CDH13: variants seen among roughly 807,000 people sequenced by gnomAD.
The protein encoded by CDH13 is cadherin 13, also known as cadherin-13.
Under a neutral mutation model 63.8 loss-of-function variants are expected in CDH13, and 24 were observed. The ratio of observed to expected loss-of-function variants is 0.38; its 90% CI spans 0.27 to 0.53. CDH13 has a LOEUF of 0.53. Ranked by LOEUF, CDH13 falls within the 20% of genes least tolerant of loss-of-function variation. The pLI is 0.85. For synonymous variants in CDH13, 503 were observed against 355.3 expected (o/e 1.42, Z -4.67); for missense variants, 1,049 against 903.1 (o/e 1.16, Z -2.07).
rs2030333839 is a variant in CDH13 at position 83,051,501 on chromosome 16, T to A, written c.366+19283T>A. Among the ~76,000 whole-genome samples the A allele has an allele frequency of 2.0e-5, 3 of 152,224 alleles. No individual in the cohort carries two copies. The South Asian group carries it at 6.2e-4, about 31-fold the overall frequency. On this transcript the variant is annotated intron_variant, in intron 3 of 13. Coordinates refer to ENST00000567109, the MANE Select transcript of CDH13 (RefSeq NM_001257.5). The stretch of plus-strand genomic sequence containing the variant: ...CTAGGAATTTCTTTTCATTTTTGCT[T>A]TCTTTGAGATCTGTAATTAATCATG...
At chr16:83,239,280 A>G (rs552235630) in intron 5 of CDH13, among the ~76,000 whole-genome samples, 13 of 152,298 alleles carry the variant, frequency 8.5e-5, no homozygotes, top group Non-Finnish European at 7.4e-5. Context: ...AAAAAGATGA[A>G]TGGGAGGAGG....
chr16:83,290,670 A>G (rs990751369), intron 5 of CDH13, among the ~76,000 whole-genome samples: 1 of 152,168 alleles, frequency 6.6e-6, no homozygotes, highest in Non-Finnish European at 1.5e-5. Context: ...ACTTCTACAC[A>G]GTGTGAATGA....
At chr16:82,647,066 G>T (rs552304391) in intron 1 of CDH13, among the ~76,000 whole-genome samples, 1 of 152,316 alleles carries the variant, frequency 6.6e-6, no homozygotes, top group African/African-American at 2.4e-5. Context: ...CCCAGGCCTC[G>T]AGGGAAGGTT....
intron 4 of CDH13, among the ~76,000 whole-genome samples, chr16:83,141,462 T>C (rs1203196852): frequency 6.6e-6 from 1 of 152,214 alleles, no homozygotes; most frequent in Non-Finnish European, 1.5e-5. Flanking sequence ...TCTTTATATT[T>C]TCATTTCTCT....
chr16:83,668,871 C>T (rs1006596076), intron 8 of CDH13, among the ~76,000 whole-genome samples: 2 of 152,212 alleles, frequency 1.3e-5, no homozygotes, highest in African/African-American at 2.4e-5. Flanking sequence ...ATTAATTGAT[C>T]ACAGCATTCT....
At chr16:82,782,822 T>A (rs1476625566) in intron 1 of CDH13, among the ~76,000 whole-genome samples, 3 of 152,162 alleles carry the variant, frequency 2.0e-5, no homozygotes, top group Admixed American at 1.3e-4. Flanking sequence ...AGGCTGCCTT[T>A]CAGCTCCAAG....
Position 82,630,202 on chromosome 16 carries a change from A to G in CDH13, c.45+3065A>G, listed in dbSNP as rs184867010. Among the ~76,000 whole-genome samples, 560 of 152,320 alleles carry G rather than the reference A, an allele frequency of 3.7e-3. 2 individuals are homozygous for G. Among genetic ancestry groups the G allele is most frequent in the Non-Finnish European group, 5.5e-3 (374 of 68,034 alleles). ...GAACTTTTTGGATGAGGAAAAGGAC[A>G]CAGGGTTGAAGAGGGTGCTGCCCCC... On this transcript the variant is annotated intron_variant, in intron 1 of 13. Coordinates refer to ENST00000567109, the MANE Select transcript of CDH13 (RefSeq NM_001257.5).
chr16:83,626,068 T>G (rs34352619), intron 8 of CDH13, among the ~76,000 whole-genome samples: 15,170 of 151,134 alleles, frequency 0.1, 800 homozygotes, highest in Admixed American at 0.11. Flanking sequence ...TGGAGTGCAG[T>G]GGAACAATCA....
intron 4 of CDH13, among the ~76,000 whole-genome samples, chr16:83,162,988 T>C (rs936188452): frequency 6.6e-6 from 1 of 152,086 alleles, no homozygotes; most frequent in Non-Finnish European, 1.5e-5. Flanking sequence ...ACAATTCCCA[T>C]GTGTCGTAGG....
At chr16:83,623,975 A>G (rs1416790750) in intron 8 of CDH13, among the ~76,000 whole-genome samples, 1 of 152,224 alleles carries the variant, frequency 6.6e-6, no homozygotes, top group Non-Finnish European at 1.5e-5. Flanking sequence ...TCCACTTTCA[A>G]CCAGCAGAAA....
At chr16:83,274,837 C>T (rs2088935695) in intron 5 of CDH13, among the ~76,000 whole-genome samples, 1 of 152,066 alleles carries the variant, frequency 6.6e-6, no homozygotes, top group Non-Finnish European at 1.5e-5. Context: ...AAGCAAGCTC[C>T]CAGGATGAAT....
intron 8 of CDH13, among the ~76,000 whole-genome samples, chr16:83,610,408 C>T (rs530672336): frequency 2.0e-5 from 3 of 152,212 alleles, no homozygotes; most frequent in East Asian, 3.9e-4. Context: ...TACACAAATC[C>T]TGAGTGATTT....
At chr16:83,594,186 T>C (rs1281753553) in intron 7 of CDH13, among the ~76,000 whole-genome samples, 3 of 152,222 alleles carry the variant, frequency 2.0e-5, no homozygotes, top group African/African-American at 4.8e-5. Flanking sequence ...CCTCAGTTTC[T>C]TGTTACATCT....
Position 83,517,307 on chromosome 16 carries a change from G to A in CDH13, c.960+30652G>A, listed in dbSNP as rs556081639. ...GAAATATTAATCAGGGCTAGATTAG[G>A]TTATGCTGCAGTAACAAGTTAACCC... On this transcript the variant is annotated intron_variant, in intron 7 of 13. Transcript: ENST00000567109. Among the ~76,000 whole-genome samples the A allele has an allele frequency of 3.9e-5, 6 of 152,332 alleles. No individual in the cohort carries two copies. In the East Asian group the frequency reaches 7.7e-4, roughly 20 times the overall value.
chr16:82,636,566 C>G (rs1427096300), intron 1 of CDH13, among the ~76,000 whole-genome samples: 1 of 152,168 alleles, frequency 6.6e-6, no homozygotes, highest in Non-Finnish European at 1.5e-5. Flanking sequence ...TTACATGAAG[C>G]AAATAATGAT....
chr16:83,227,751 C>A (rs921340646), intron 5 of CDH13, among the ~76,000 whole-genome samples: 1 of 152,110 alleles, frequency 6.6e-6, no homozygotes, highest in Non-Finnish European at 1.5e-5. Context: ...CATCTGGGGA[C>A]CATAGAGCCA....
At chr16:83,398,549 C>A (rs1013045537) in intron 6 of CDH13, among the ~76,000 whole-genome samples, 1 of 152,148 alleles carries the variant, frequency 6.6e-6, no homozygotes, top group African/African-American at 2.4e-5. Context: ...ACTTATTTTC[C>A]AAATAAGATT....
At chr16:83,452,316 C>T (rs72806392) in intron 6 of CDH13, among the ~76,000 whole-genome samples, 28,789 of 151,754 alleles carry the variant, frequency 0.19, 3,806 homozygotes, top group African/African-American at 0.37. Flanking sequence ...CTTGCTCTTA[C>T]ATGACTCATT....
chr16:83,423,801 G>A (rs1477416499), intron 6 of CDH13, among the ~76,000 whole-genome samples: 1 of 152,312 alleles, frequency 6.6e-6, no homozygotes, highest in East Asian at 1.9e-4. Flanking sequence ...TGTTCTGGTG[G>A]CCCTTGAGCA....
Sources: allele counts gnomAD v4.1 joint callset (sites outside exome capture counted in the v4.1 genomes callset), GRCh38; gene constraint gnomAD v4.1.1; transcripts MANE v1.5; gene names NCBI Gene and HGNC (gene_info 2026-07-23, HGNC 2026-07-21).